The following SYT1 variants were observed in gnomAD, a reference collection of about 807,000 sequenced individuals.
SYT1 encodes synaptotagmin-1.
SYT1 carries 8 observed loss-of-function variants against 44.8 expected under a neutral mutation model. The observed-to-expected ratio is 0.18, with a 90% CI of 0.10 to 0.32. The LOEUF (loss-of-function observed/expected upper bound fraction) is 0.32, where lower values mean the gene tolerates loss of function less well. Ranked by LOEUF, SYT1 falls within the 10% of genes least tolerant of loss-of-function variation. The pLI, the probability that SYT1 is intolerant of heterozygous loss-of-function variation, is 1.00. For missense variants in SYT1, 286 were observed against 509.3 expected, an observed-to-expected ratio of 0.56 and a Z score of 4.22; for synonymous variants, 154 against 188.8, an observed-to-expected ratio of 0.82 and a Z score of 1.51.
intron 1 of SYT1, among the ~76,000 whole-genome samples, chr12:78,968,328 T>A (rs1868297116): frequency 6.6e-6 from 1 of 152,060 alleles, no homozygotes; most frequent in Admixed American, 6.6e-5. Flanking sequence ...GTACATGTAG[T>A]TTTATTGGAA....
intron 3 of SYT1, among the ~76,000 whole-genome samples, chr12:79,206,842 T>C (rs1422371000): frequency 6.6e-6 from 1 of 152,208 alleles, no homozygotes; most frequent in African/African-American, 2.4e-5. Flanking sequence ...AGTGGGATAC[T>C]ATGTAGTGAA....
At chr12:79,045,683 C>T (rs1408334991) in intron 2 of SYT1, 1 of 152,150 alleles carries the variant, frequency 6.6e-6, no homozygotes, top group Non-Finnish European at 1.5e-5. Context: ...TGTTTGTCCC[C>T]TACAGTAGAA....
intron 1 of SYT1, among the ~76,000 whole-genome samples, chr12:78,945,596 G>A (rs1225513174): frequency 1.3e-5 from 2 of 151,930 alleles, no homozygotes; most frequent in Non-Finnish European, 2.9e-5. Context: ...TTCAGAAAAT[G>A]AGATTAGCAG....
chr12:79,339,728 T>C (rs528280543), intron 8 of SYT1, among the ~76,000 whole-genome samples: 129 of 152,324 alleles, frequency 8.5e-4, no homozygotes, highest in Middle Eastern at 3.4e-3. Flanking sequence ...GGTGTTTTAG[T>C]CATGAAGTCC....
chr12:79,174,317 G>GA (rs1329442788), intron 3 of SYT1, among the ~76,000 whole-genome samples: 1 of 151,918 alleles, frequency 6.6e-6, no homozygotes, highest in African/African-American at 2.4e-5. Flanking sequence ...CATAAATACA[G>GA]AAAAAATAAG....
chr12:79,302,138 T>C (rs1472964860), intron 8 of SYT1, among the ~76,000 whole-genome samples: 1 of 152,216 alleles, frequency 6.6e-6, no homozygotes. Flanking sequence ...AGAAATTGTT[T>C]TTCCACTTTA....
chr12:79,069,833 A>G (rs891104595), intron 3 of SYT1, among the ~76,000 whole-genome samples: 4 of 152,064 alleles, frequency 2.6e-5, no homozygotes. Flanking sequence ...TTTTACTTTT[A>G]TGTTTCCAAA....
At chr12:79,117,369 T>C (rs1245800591) in intron 3 of SYT1, among the ~76,000 whole-genome samples, 1 of 152,024 alleles carries the variant, frequency 6.6e-6, no homozygotes, top group Non-Finnish European at 1.5e-5. Context: ...ACTGCTGTTC[T>C]GTACATTCCC....
intron 1 of SYT1, among the ~76,000 whole-genome samples, chr12:78,952,511 T>G (rs1231402435): frequency 6.6e-6 from 1 of 152,150 alleles, no homozygotes; most frequent in South Asian, 2.1e-4. Flanking sequence ...CGGCATGGAC[T>G]GTCAGGATAC....
intron 3 of SYT1, among the ~76,000 whole-genome samples, chr12:79,142,034 G>C (rs978471355): frequency 6.6e-6 from 1 of 152,192 alleles, no homozygotes; most frequent in African/African-American, 2.4e-5. Context: ...TGTTGTGTAA[G>C]GCATGAACAG....
chr12:79,022,201 G>T (rs1872238828), intron 2 of SYT1, among the ~76,000 whole-genome samples: 1 of 151,786 alleles, frequency 6.6e-6, no homozygotes, highest in African/African-American at 2.4e-5. Context: ...TCTGTGGAGA[G>T]CCATTATCTC....
intron 2 of SYT1, among the ~76,000 whole-genome samples, chr12:79,023,778 C>T (rs1872341728): frequency 6.6e-6 from 1 of 151,284 alleles, no homozygotes; most frequent in African/African-American, 2.4e-5. Context: ...TTTATTATTC[C>T]ATCTCTCTCT....
At position 79,285,807 on chromosome 12, in the gene SYT1, G is replaced by A. The variant is rs754167995; in HGVS notation, c.187G>A (p.Ala63Thr). The A allele has an allele frequency of 3.7e-6, 6 of 1,608,352 alleles. No homozygotes were observed. The highest frequency in any genetic ancestry group is 5.1e-6 in the Non-Finnish European group (6 of 1,178,594). ...KIPLPPWALI[A>T]IAIVAVLLVL... ...TTCAGTGCCACCGTGGGCCTTAATTGCAATAGCCATAGTCGCAGTCCTTTT... is the reference window on the plus strand; with the variant it reads ...TTCAGTGCCACCGTGGGCCTTAATTACAATAGCCATAGTCGCAGTCCTTTT... Residue 63 changes from alanine to threonine, a missense_variant, in exon 5 of 11, where the codon GCA (alanine) becomes ACA (threonine). By Grantham distance (58) the Ala-to-Thr change is moderately conservative. Transcript: ENST00000261205.
At chr12:79,090,654 C>T (rs1430941091) in intron 3 of SYT1, among the ~76,000 whole-genome samples, 2 of 151,914 alleles carry the variant, frequency 1.3e-5, no homozygotes, top group African/African-American at 4.8e-5. Context: ...CAGGAAAAAG[C>T]ATACAAATTT....
intron 9 of SYT1, among the ~76,000 whole-genome samples, chr12:79,423,168 A>ATG (rs916479379): frequency 1.3e-5 from 2 of 152,058 alleles, no homozygotes; most frequent in Non-Finnish European, 2.9e-5. Flanking sequence ...CCAGCATTGT[A>ATG]TGTGTGTGTG....
intron 4 of SYT1, among the ~76,000 whole-genome samples, chr12:79,251,069 TG>T (rs1389730341): frequency 6.6e-6 from 1 of 152,186 alleles, no homozygotes; most frequent in Admixed American, 6.5e-5. Flanking sequence ...ACCCTTCTGT[TG>T]CCTTTTCTAG....
intron 4 of SYT1, among the ~76,000 whole-genome samples, chr12:79,230,667 G>A (rs1875816957): frequency 6.6e-6 from 1 of 152,122 alleles, no homozygotes; most frequent in African/African-American, 2.4e-5. Context: ...CTGTTTATAT[G>A]TCTCCTTGGA....
At chr12:79,293,887 A>G (rs1879757317) in intron 6 of SYT1, among the ~76,000 whole-genome samples, 2 of 152,320 alleles carry the variant, frequency 1.3e-5, no homozygotes, top group Middle Eastern at 3.4e-3. Context: ...TTAGTTAATT[A>G]CATCTGATAT....
At chr12:79,355,146 C>G (rs1883062243) in intron 9 of SYT1, among the ~76,000 whole-genome samples, 1 of 152,134 alleles carries the variant, frequency 6.6e-6, no homozygotes, top group African/African-American at 2.4e-5. Context: ...CACCGTCTGT[C>G]CCCTTCTCGT....
Sources: allele counts gnomAD v4.1 joint callset (sites outside exome capture counted in the v4.1 genomes callset), GRCh38; gene constraint gnomAD v4.1.1; transcripts MANE v1.5; gene names NCBI Gene and HGNC (gene_info 2026-07-23, HGNC 2026-07-21).